The following PPFIA2 variants were observed in gnomAD, a reference collection of about 807,000 sequenced individuals.
PPFIA2 encodes liprin-alpha-2.
PPFIA2 carries 46 observed loss-of-function variants against 175.5 expected under a neutral mutation model. The ratio of observed to expected loss-of-function variants is 0.26; its 90% CI spans 0.21 to 0.34. The LOEUF (loss-of-function observed/expected upper bound fraction) is 0.34, where lower values mean the gene tolerates loss of function less well. Among genes scored for constraint, PPFIA2 ranks in the 10% least tolerant of loss-of-function variants. The pLI is 1.00. For synonymous variants in PPFIA2, 568 were observed against 511.4 expected (o/e 1.11, Z -1.49); for missense variants, 1,179 against 1,506.1 (o/e 0.78, Z 3.60).
chr12:81,468,293 G>T, intron 4 of PPFIA2, among the ~76,000 whole-genome samples: 1 of 152,148 alleles, frequency 6.6e-6, no homozygotes, highest in Non-Finnish European at 1.5e-5. Flanking sequence ...AGATATATTT[G>T]CTTATTTGAT....
intron 4 of PPFIA2, chr12:81,505,629 T>C (rs1170100922): frequency 6.6e-6 from 1 of 152,226 alleles, no homozygotes; most frequent in Non-Finnish European, 1.5e-5. Flanking sequence ...TACCACAAAA[T>C]TGCAAGTGGA....
At chr12:81,544,817 A>G (rs2066746458) in intron 4 of PPFIA2, among the ~76,000 whole-genome samples, 1 of 152,184 alleles carries the variant, frequency 6.6e-6, no homozygotes, top group African/African-American at 2.4e-5. Flanking sequence ...CTGCTTCCAA[A>G]TCACCGTCAT....
intron 4 of PPFIA2, among the ~76,000 whole-genome samples, chr12:81,459,360 C>T (rs1425191124): frequency 6.6e-6 from 1 of 152,030 alleles, no homozygotes; most frequent in African/African-American, 2.4e-5. Context: ...CCTAAAGATT[C>T]TTTATTGCAC....
Position 81,339,209 on chromosome 12 carries a change from T to A in PPFIA2, c.2519A>T (p.Lys840Ile). The A allele has an allele frequency of 6.2e-7, 1 of 1,604,122 alleles. No homozygotes were observed. The highest frequency in any genetic ancestry group is 2.3e-5 in the East Asian group (1 of 44,330). Reference protein sequence around the residue: ...IKSSIGRLFGKKEKARLGQLR... With the variant: ...IKSSIGRLFGIKEKARLGQLR... The stretch of plus-strand genomic sequence containing the variant: ...CTGCCCAAGTCGAGCTTTTTCTTTT[T>A]TACCAAACAAACGTCCTATTGAAGA... Residue 840 changes from lysine (K) to isoleucine (I), a missense_variant, in exon 21 of 33, where the codon AAA (lysine) becomes ATA (isoleucine). Lys to Ile is a moderately radical substitution (Grantham distance 102, BLOSUM62 -3). Around this residue, in one of 10 missense-constraint regions of PPFIA2, gnomAD observed 223 missense variants for 241.6 expected, o/e 0.92. Transcript: ENST00000549396.
chr12:81,740,838 A>T (rs1251208253), intron 3 of PPFIA2, among the ~76,000 whole-genome samples: 5 of 152,188 alleles, frequency 3.3e-5, no homozygotes, highest in Non-Finnish European at 7.3e-5. Flanking sequence ...GGCCAAAAAA[A>T]AATAGAATAA....
intron 4 of PPFIA2, among the ~76,000 whole-genome samples, chr12:81,582,839 A>C (rs2074616896): frequency 6.6e-6 from 1 of 151,904 alleles, no homozygotes. Context: ...ATTGAATAAA[A>C]TACATTTTCT....
In PPFIA2 at chr12:81,472,357, G is replaced by A. The variant is rs1015717042; in HGVS notation, c.304-14491C>T. On this transcript the variant is annotated intron_variant, in intron 4 of 32. Transcript: ENST00000549396. Reference sequence around the variant, plus strand: ...TTAATGGCTGAATAAAATGGTATGTGTTGTTGCAATAAAGCTGTTTAAATA... The same window carrying A: ...TTAATGGCTGAATAAAATGGTATGTATTGTTGCAATAAAGCTGTTTAAATA... Among the ~76,000 whole-genome samples the A allele has an allele frequency of 1.6e-4, 25 of 152,300 alleles. No homozygotes were observed. The East Asian group carries it at 4.8e-3, about 29-fold the overall frequency.
intron 7 of PPFIA2, among the ~76,000 whole-genome samples, chr12:81,406,973 TC>T (rs1254796935): frequency 6.6e-6 from 1 of 152,184 alleles, no homozygotes; most frequent in Non-Finnish European, 1.5e-5. Flanking sequence ...CCACCATGTG[TC>T]CATGACATCA....
At chr12:81,361,670 A>C (rs1388722719) in intron 15 of PPFIA2, among the ~76,000 whole-genome samples, 1 of 151,640 alleles carries the variant, frequency 6.6e-6, no homozygotes, top group Non-Finnish European at 1.5e-5. Flanking sequence ...TATTCATTCT[A>C]TAATATATCT....
At chr12:81,295,401 C>T (rs1190146624) in intron 23 of PPFIA2, among the ~76,000 whole-genome samples, 1 of 152,136 alleles carries the variant, frequency 6.6e-6, no homozygotes, top group East Asian at 1.9e-4. Context: ...TTAATGTTTG[C>T]TTAATGAGTG....
chr12:81,488,209 C>T (rs1229661010), intron 4 of PPFIA2, among the ~76,000 whole-genome samples: 2 of 151,718 alleles, frequency 1.3e-5, no homozygotes, highest in African/African-American at 2.4e-5. Context: ...AAACATGAAA[C>T]CTTTGTCATA....
At chr12:81,750,531 G>A (rs1381151638) in intron 3 of PPFIA2, among the ~76,000 whole-genome samples, 1 of 151,830 alleles carries the variant, frequency 6.6e-6, no homozygotes, top group Non-Finnish European at 1.5e-5. Flanking sequence ...TTGAATCTGA[G>A]GTTCTGTGGA....
At chr12:81,727,735 C>T (rs2080277072) in intron 3 of PPFIA2, among the ~76,000 whole-genome samples, 1 of 151,338 alleles carries the variant, frequency 6.6e-6, no homozygotes. Context: ...CAGCCAGGAT[C>T]ATTTTTTCTT....
chr12:81,704,733 C>A lies in PPFIA2; in HGVS notation c.250-27889G>T, dbSNP rs1368147394. On this transcript the variant is annotated intron_variant, in intron 3 of 32. Coordinates refer to ENST00000549396, the MANE Select transcript of PPFIA2 (RefSeq NM_003625.5). ...TTTTCTATAAGTTATATTAAAAAGC[C>A]AAGGGACATTACTTGAGGATAGCAA... Among the ~76,000 whole-genome samples, 3 of 151,842 alleles carry A rather than the reference C, an allele frequency of 2.0e-5. No individual in the cohort carries two copies. The East Asian group carries it at 5.8e-4, about 29-fold the overall frequency.
chr12:81,430,133 G>C (rs2047836321), intron 7 of PPFIA2: 1 of 151,930 alleles, frequency 6.6e-6, no homozygotes, highest in African/African-American at 2.4e-5. Flanking sequence ...TCTATTACTT[G>C]CCATTGATCT....
At chr12:81,687,988 G>C (rs1207846115) in intron 3 of PPFIA2, among the ~76,000 whole-genome samples, 4 of 151,876 alleles carry the variant, frequency 2.6e-5, no homozygotes, top group Non-Finnish European at 5.9e-5. Flanking sequence ...CTAATCTTAG[G>C]TATAAATCTC....
chr12:81,689,903 G>A (rs1367182112), intron 3 of PPFIA2, among the ~76,000 whole-genome samples: 2 of 152,106 alleles, frequency 1.3e-5, no homozygotes, highest in African/African-American at 4.8e-5. Context: ...CAGTGGCAAA[G>A]TCTGGATATT....
At chr12:81,440,846 A>G (rs1323611965) in intron 6 of PPFIA2, among the ~76,000 whole-genome samples, 1 of 149,914 alleles carries the variant, frequency 6.7e-6, no homozygotes, top group Non-Finnish European at 1.5e-5. Context: ...AACAATTCAG[A>G]GAAAGAAATA....
At position 81,543,644 on chromosome 12, in the gene PPFIA2, A is replaced by G. The variant is rs76608670; in HGVS notation, c.304-85778T>C. Reference sequence around the variant, plus strand: ...ACTGTCAATAGTGACTTTCTTTCAAAGACAAATGGAAGTGGAATGAGTTCA... The same window carrying G: ...ACTGTCAATAGTGACTTTCTTTCAAGGACAAATGGAAGTGGAATGAGTTCA... On this transcript the variant is annotated intron_variant, in intron 4 of 32. Coordinates refer to ENST00000549396, the MANE Select transcript of PPFIA2 (RefSeq NM_003625.5). Among the ~76,000 whole-genome samples, 917 of 152,284 alleles carry G rather than the reference A, an allele frequency of 6.0e-3. 10 individuals are homozygous for G. The highest frequency in any genetic ancestry group is 0.021 in the African/African-American group (862 of 41,556).
Sources: gnomAD v4.1 joint callset for allele counts (sites outside exome capture counted in the v4.1 genomes callset) on GRCh38, gnomAD v4.1.1 for gene constraint, gnomAD v4.1.1 regional missense constraint, MANE v1.5 for transcripts, NCBI Gene and HGNC (gene_info 2026-07-23, HGNC 2026-07-21) for gene names.